VPS53: variants seen among roughly 807,000 people sequenced by gnomAD.
The protein encoded by VPS53 is VPS53 subunit of GARP complex, also known as vacuolar protein sorting-associated protein 53 homolog.
In VPS53, 70 loss-of-function variants were observed where a neutral mutation model predicts 107.0. The ratio of observed to expected loss-of-function variants is 0.65; its 90% CI spans 0.54 to 0.80. The LOEUF (loss-of-function observed/expected upper bound fraction) is 0.80. Ranked by LOEUF, VPS53 falls within the 30% of genes least tolerant of loss-of-function variation. VPS53 has a pLI of 0.00. For synonymous variants in VPS53, 409 were observed against 393.3 expected (o/e 1.04, Z -0.47); for missense variants, 917 against 1,049.4 (o/e 0.87, Z 1.74).
At chr17:696,621 A>G (rs774374400) in intron 4 of VPS53, among the ~76,000 whole-genome samples, 4 of 152,060 alleles carry the variant, frequency 2.6e-5, no homozygotes, top group South Asian at 2.1e-4. Context: ...AATCAAATAA[A>G]AAGGGAAATG....
At chr17:577,398 C>G (rs34121882) in intron 13 of VPS53, among the ~76,000 whole-genome samples, 22,331 of 151,666 alleles carry the variant, frequency 0.15, 1,970 homozygotes, top group South Asian at 0.23. Flanking sequence ...AAACCTAATG[C>G]GTTACCACAG....
In VPS53 at chr17:511,342, G is replaced by C. The variant is rs1404466207; in HGVS notation, c.*7786C>G. 6.6e-6 allele frequency: 1 copy of C among 152,130 alleles called. No individual in the cohort carries two copies. Among genetic ancestry groups the C allele is most frequent in the Non-Finnish European group, 1.5e-5 (1 of 68,026 alleles). 9.4% of individuals were successfully genotyped at this position (152,130 alleles called of 1,614,324 possible). On this transcript the variant is annotated 3_prime_UTR_variant, in exon 22 of 22. Transcript: ENST00000437048. ...ACTTTTCTTGGCCCTGGAAGTAGAG[G>C]GAAGTTTGTTGAGAAGCTGTTCTTA...
At chr17:658,636 A>C (rs1174188113) in intron 5 of VPS53, among the ~76,000 whole-genome samples, 1 of 145,784 alleles carries the variant, frequency 6.9e-6, no homozygotes, top group African/African-American at 2.5e-5. Flanking sequence ...CATCCCACTA[A>C]AGTGAGATAC....
intron 17 of VPS53, among the ~76,000 whole-genome samples, chr17:543,237 CCTT>C (rs1424069227): frequency 6.6e-6 from 1 of 152,036 alleles, no homozygotes; most frequent in Non-Finnish European, 1.5e-5. Context: ...TTTCCATGGT[CCTT>C]CTGAAACAGA....
intron 13 of VPS53, among the ~76,000 whole-genome samples, chr17:564,066 A>G (rs551298558): frequency 1.3e-5 from 2 of 152,198 alleles, no homozygotes; most frequent in South Asian, 2.1e-4. Flanking sequence ...CCTGGCCAAC[A>G]TGGCAAAACC....
chr17:537,440 C>T (rs1468183629), intron 17 of VPS53: 2 of 384,806 alleles, frequency 5.2e-6, no homozygotes, highest in Non-Finnish European at 9.5e-6. Flanking sequence ...CTGAAACAGC[C>T]TTCCCTTCTC....
At chr17:592,529 C>T (rs1483712011) in intron 12 of VPS53, among the ~76,000 whole-genome samples, 3 of 152,012 alleles carry the variant, frequency 2.0e-5, no homozygotes, top group South Asian at 2.1e-4. Context: ...TGGCTGGTAC[C>T]GGTTGTTCCT....
intron 11 of VPS53, among the ~76,000 whole-genome samples, chr17:608,099 G>C (rs1438760444): frequency 6.6e-6 from 1 of 152,118 alleles, no homozygotes; most frequent in Non-Finnish European, 1.5e-5. Flanking sequence ...ATTCCTAATT[G>C]GTCCTTAAAG....
At chr17:674,455 G>A (rs1325975621) in intron 4 of VPS53, 1 of 152,186 alleles carries the variant, frequency 6.6e-6, no homozygotes, top group African/African-American at 2.4e-5. Context: ...GACACCTTCT[G>A]TGCCAAATGC....
Position 512,890 on chromosome 17 carries a change from G to C in VPS53, c.*6238C>G, listed in dbSNP as rs1050349609. The C allele has an allele frequency of 6.6e-5, 10 of 152,322 alleles. No individual in the cohort carries two copies. The highest frequency in any genetic ancestry group is 2.4e-4 in the African/African-American group (10 of 41,464). 9.4% of individuals were successfully genotyped at this position (152,322 alleles called of 1,614,324 possible). A position where few individuals can be genotyped will look rare whatever the true frequency, so the allele number is the denominator to read the frequency against. On this transcript the variant is annotated 3_prime_UTR_variant, in exon 22 of 22. Coordinates refer to ENST00000437048, the MANE Select transcript of VPS53 (RefSeq NM_001128159.3). ...AGGATGGACTCATGCGTGCAGGAGA[G>C]AAATCACTTGGCCGTCACTGGAAGA... is the stretch of plus-strand genomic sequence containing the variant.
chr17:705,103 A>T (rs1270903614), intron 2 of VPS53, among the ~76,000 whole-genome samples: 1 of 152,174 alleles, frequency 6.6e-6, no homozygotes, highest in Non-Finnish European at 1.5e-5. Context: ...CTCTGCACTC[A>T]AATACCCAAC....
At chr17:660,998 G>C (rs1400176654) in intron 5 of VPS53, among the ~76,000 whole-genome samples, 1 of 151,906 alleles carries the variant, frequency 6.6e-6, no homozygotes, top group Non-Finnish European at 1.5e-5. Context: ...CAACACCGGG[G>C]GACACAAATT....
At chr17:599,107 C>A (rs567479394) in intron 12 of VPS53, among the ~76,000 whole-genome samples, 1 of 141,594 alleles carries the variant, frequency 7.1e-6, no homozygotes, top group African/African-American at 2.5e-5. Flanking sequence ...CCAGGCCAGC[C>A]GCCCCGTCCG....
intron 15 of VPS53, among the ~76,000 whole-genome samples, chr17:559,922 C>T (rs1444777589): frequency 6.6e-6 from 1 of 152,220 alleles, no homozygotes; most frequent in Non-Finnish European, 1.5e-5. Flanking sequence ...TTTCCTGTCC[C>T]CCAGTTCCTA....
intron 7 of VPS53, among the ~76,000 whole-genome samples, chr17:647,532 T>C (rs1003878564): frequency 2.0e-5 from 3 of 152,164 alleles, no homozygotes; most frequent in African/African-American, 7.2e-5. Flanking sequence ...GCCTTCCTCC[T>C]CCCCCATCCG....
chr17:652,550 C>T (rs1468813812), intron 7 of VPS53, among the ~76,000 whole-genome samples: 2 of 152,132 alleles, frequency 1.3e-5, no homozygotes, highest in Admixed American at 6.5e-5. Context: ...TGGAAGACAA[C>T]AAAGAATCCC....
intron 4 of VPS53, among the ~76,000 whole-genome samples, chr17:662,891 A>AAGGAAGGC (rs1370616729): frequency 1.2e-3 from 171 of 137,580 alleles, no homozygotes; most frequent in African/African-American, 4.3e-3. Flanking sequence ...GGAAGGAAGG[A>AAGGAAGGC]AGGCAGGCAG....
chr17:587,465 T>G (rs148354614), intron 12 of VPS53, among the ~76,000 whole-genome samples: 58 of 152,224 alleles, frequency 3.8e-4, no homozygotes, highest in Non-Finnish European at 7.1e-4. Flanking sequence ...ATCAGATAGA[T>G]AGAGAGAGAG....
intron 11 of VPS53, among the ~76,000 whole-genome samples, chr17:602,736 C>G (rs1343153841): frequency 2.0e-5 from 3 of 152,218 alleles, no homozygotes; most frequent in Non-Finnish European, 4.4e-5. Flanking sequence ...ACCCTAGAAG[C>G]AGCACATGAT....
Sources: gnomAD v4.1 joint callset for allele counts (sites outside exome capture counted in the v4.1 genomes callset) on GRCh38, gnomAD v4.1.1 for gene constraint, MANE v1.5 for transcripts, NCBI Gene and HGNC (gene_info 2026-07-23, HGNC 2026-07-21) for gene names.